Variants in PPM1D observed in about 807,000 individuals in gnomAD.
PPM1D encodes the protein protein phosphatase, Mg2+/Mn2+ dependent 1D.
A neutral mutation model predicts 58.3 loss-of-function variants in PPM1D; 52 were observed. The ratio of observed to expected loss-of-function variants is 0.89; its 90% confidence interval spans 0.71 to 1.12. PPM1D has a LOEUF of 1.12. Ranked by LOEUF, PPM1D falls within the 50% of genes most tolerant of loss-of-function variation. The probability of loss-of-function intolerance (pLI) is 0.00; values close to 1 mark genes in which losing one functional copy is unlikely to be tolerated. For missense variants in PPM1D, 564 were observed against 777.2 expected (o/e 0.73, Z 3.26); for synonymous variants, 278 against 285.1 (o/e 0.98, Z 0.25).
At chr17:60,636,774 C>G (rs940491646) in intron 3 of PPM1D, among the ~76,000 whole-genome samples, 1 of 151,802 alleles carries the variant, frequency 6.6e-6, no homozygotes, top group Non-Finnish European at 1.5e-5. Context: ...GTCCTGGGCT[C>G]AAGTGTTCCC....
At chr17:60,626,297 T>C (rs1035663503) in intron 2 of PPM1D, among the ~76,000 whole-genome samples, 2 of 152,144 alleles carry the variant, frequency 1.3e-5, no homozygotes, top group Non-Finnish European at 2.9e-5. Context: ...CTACCATCAG[T>C]GTATGTGGAT....
At chr17:60,661,219 CA>C (rs373913706) in intron 5 of PPM1D, among the ~76,000 whole-genome samples, 590 of 48,962 alleles carry the variant, frequency 0.012, no homozygotes, top group African/African-American at 0.022. Flanking sequence ...AACTCCATCT[CA>C]AAAAAAAAAA....
intron 5 of PPM1D, chr17:60,657,042 G>A: frequency 7.5e-6 from 11 of 1,475,164 alleles, no homozygotes; most frequent in Non-Finnish European, 8.9e-6. Context: ...CTAATAAAAA[G>A]GTGATTGTGG....
intron 5 of PPM1D, among the ~76,000 whole-genome samples, chr17:60,660,586 C>G (rs2031509281): frequency 6.6e-6 from 1 of 151,766 alleles, no homozygotes; most frequent in South Asian, 2.1e-4. Flanking sequence ...CATGGTGAAA[C>G]CCCATCTCTA....
intron 5 of PPM1D, among the ~76,000 whole-genome samples, chr17:60,661,794 T>C (rs2031530390): frequency 6.6e-6 from 1 of 152,116 alleles, no homozygotes; most frequent in African/African-American, 2.4e-5. Context: ...ACATAGTTGC[T>C]TTAATGTTGT....
intron 4 of PPM1D, among the ~76,000 whole-genome samples, chr17:60,654,288 A>T (rs1453010199): frequency 2.1e-5 from 3 of 145,582 alleles, no homozygotes; most frequent in African/African-American, 7.6e-5. Flanking sequence ...TTTTTTTTTG[A>T]GAGAGAGAGT....
chr17:60,615,400 A>G (rs2030561884), intron 1 of PPM1D, among the ~76,000 whole-genome samples: 1 of 151,742 alleles, frequency 6.6e-6, no homozygotes, highest in Admixed American at 6.6e-5. Flanking sequence ...ACAGAGTGAG[A>G]CTCTGTCTGA....
At chr17:60,619,400 C>G (rs1278399604) in intron 1 of PPM1D, among the ~76,000 whole-genome samples, 2 of 152,082 alleles carry the variant, frequency 1.3e-5, no homozygotes, top group African/African-American at 2.4e-5. Context: ...GATATACATT[C>G]AGAGGTGCAA....
chr17:60,606,786 G>A (rs1671440456), intron 1 of PPM1D, among the ~76,000 whole-genome samples: 1 of 152,050 alleles, frequency 6.6e-6, no homozygotes. Flanking sequence ...GAATGAAAGA[G>A]TATATAAATA....
At chr17:60,626,807 T>C (rs1292642284) in intron 2 of PPM1D, among the ~76,000 whole-genome samples, 4 of 152,078 alleles carry the variant, frequency 2.6e-5, no homozygotes, top group Admixed American at 6.5e-5. Flanking sequence ...TCCTCCCAAA[T>C]TGTTGGGATT....
chr17:60,620,659 G>A (rs1220694186), intron 1 of PPM1D, among the ~76,000 whole-genome samples: 2 of 151,568 alleles, frequency 1.3e-5, no homozygotes, highest in African/African-American at 2.4e-5. Context: ...ACAGGTGTGC[G>A]CTACCATGCC....
intron 2 of PPM1D, 85 bp downstream of exon 2, chr17:60,623,834 C>T: frequency 1.5e-6 from 2 of 1,302,786 alleles, no homozygotes; most frequent in Non-Finnish European, 1.1e-6. Context: ...TACTACTGTC[C>T]CTTTTACTGA....
chr17:60,665,217 C>T lies in PPM1D; in HGVS notation c.*1665C>T, dbSNP rs2031597194. Reference sequence around the variant, plus strand: ...ATCTCCTGACCTCGTGATCCACCCGCCTCGACCTCCCAAAGTACTGGGATT... The same window carrying T: ...ATCTCCTGACCTCGTGATCCACCCGTCTCGACCTCCCAAAGTACTGGGATT... On this transcript the variant is annotated 3_prime_UTR_variant, in exon 6 of 6. Coordinates refer to ENST00000305921, the MANE Select transcript of PPM1D (RefSeq NM_003620.4). The T allele has an allele frequency of 2.0e-5, 3 of 152,292 alleles. No individual in the cohort carries two copies. The highest frequency in any genetic ancestry group is 4.4e-5 in the Non-Finnish European group (3 of 68,060). The allele number at this position is 152,292 out of a possible 1,614,324, so 9.4% of individuals were successfully genotyped here. A position where few individuals can be genotyped will look rare whatever the true frequency, so the allele number is the denominator to read the frequency against.
At position 60,626,373 on chromosome 17, in the gene PPM1D, A is replaced by G. The variant is rs80168080; in HGVS notation, c.701+2624A>G. On this transcript the variant is annotated intron_variant, in intron 2 of 5. Coordinates refer to ENST00000305921, the MANE Select transcript of PPM1D (RefSeq NM_003620.4). ...TCAGGTTTAAAAAAGAGGTGTCTCA[A>G]TGATGTGTTTTTTTGGGGTTTTTTT... Among the ~76,000 whole-genome samples, 809 of 151,956 alleles carry G rather than the reference A, an allele frequency of 5.3e-3. 4 individuals are homozygous for G. The highest frequency in any genetic ancestry group is 0.019 in the African/African-American group (780 of 41,486).
intron 3 of PPM1D, among the ~76,000 whole-genome samples, chr17:60,643,032 CAG>C (rs1473412911): frequency 7.1e-6 from 1 of 140,714 alleles, no homozygotes; most frequent in East Asian, 2.1e-4. Flanking sequence ...GCCTGGGCAA[CAG>C]AGCGAGACTC....
intron 1 of PPM1D, among the ~76,000 whole-genome samples, chr17:60,620,460 G>A (rs191862926): frequency 8.6e-5 from 13 of 151,992 alleles, no homozygotes; most frequent in African/African-American, 2.7e-4. Flanking sequence ...TTCCTTTCCC[G>A]TGCAGAAGCC....
chr17:60,613,909 C>G (rs1438637699), intron 1 of PPM1D, among the ~76,000 whole-genome samples: 8 of 146,014 alleles, frequency 5.5e-5, no homozygotes, highest in Non-Finnish European at 1.1e-4. Flanking sequence ...CCGCCACCCC[C>G]CCGCCTCACA....
chr17:60,610,586 G>T (rs764333072), intron 1 of PPM1D, among the ~76,000 whole-genome samples: 1 of 152,152 alleles, frequency 6.6e-6, no homozygotes, highest in Non-Finnish European at 1.5e-5. Context: ...CCTACAGGCC[G>T]CATTGGGCTA....
chr17:60,651,310 C>T (rs2143708438), intron 4 of PPM1D, among the ~76,000 whole-genome samples: 1 of 151,646 alleles, frequency 6.6e-6, no homozygotes, highest in South Asian at 2.1e-4. Flanking sequence ...TGCCTTTAAT[C>T]AATTCTGAGG....
Sources: allele counts gnomAD v4.1 joint callset (sites outside exome capture counted in the v4.1 genomes callset), GRCh38; gene constraint gnomAD v4.1.1; transcripts MANE v1.5; gene names NCBI Gene and HGNC (gene_info 2026-07-23, HGNC 2026-07-21).